Variants in MACROD2 observed in about 807,000 individuals in gnomAD.
The protein encoded by MACROD2 is mono-ADP ribosylhydrolase 2, also known as ADP-ribose glycohydrolase MACROD2.
Under a neutral mutation model 70.4 loss-of-function variants are expected in MACROD2, and 36 were observed. The observed-to-expected ratio is 0.51, with a 90% CI of 0.39 to 0.68. The LOEUF (loss-of-function observed/expected upper bound fraction) is 0.68. Among genes scored for constraint, MACROD2 ranks in the 30% least tolerant of loss-of-function variants. MACROD2 has a pLI of 0.00. For missense variants in MACROD2, 496 were observed against 538.4 expected, an observed-to-expected ratio of 0.92 and a Z score of 0.78; for synonymous variants, 172 against 178.8, an observed-to-expected ratio of 0.96 and a Z score of 0.30.
chr20:15,724,415 A>C (rs532603008), intron 8 of MACROD2, among the ~76,000 whole-genome samples: 1 of 152,162 alleles, frequency 6.6e-6, no homozygotes, highest in East Asian at 1.9e-4. Flanking sequence ...TTTTACATTT[A>C]TGTCTTTGAT....
chr20:14,986,843 T>C (rs2074853482), intron 5 of MACROD2, among the ~76,000 whole-genome samples: 1 of 152,158 alleles, frequency 6.6e-6, no homozygotes, highest in Non-Finnish European at 1.5e-5. Context: ...GATCAATCCT[T>C]GTTCAAAGGC....
At chr20:15,033,942 C>A (rs557953694) in intron 5 of MACROD2, among the ~76,000 whole-genome samples, 6 of 152,240 alleles carry the variant, frequency 3.9e-5, no homozygotes, top group African/African-American at 1.4e-4. Context: ...AATGAGAGTT[C>A]AGACGGCAAA....
At chr20:15,635,291 T>C (rs1441093183) in intron 8 of MACROD2, among the ~76,000 whole-genome samples, 1 of 152,238 alleles carries the variant, frequency 6.6e-6, no homozygotes, top group Non-Finnish European at 1.5e-5. Context: ...AGATAACTTG[T>C]ACAAGTTCAT....
chr20:14,517,114 G>A (rs2085110058), intron 4 of MACROD2, among the ~76,000 whole-genome samples: 1 of 152,148 alleles, frequency 6.6e-6, no homozygotes, highest in East Asian at 1.9e-4. Flanking sequence ...TTCAACCATT[G>A]TAGAAGACAG....
chr20:15,747,252 G>A (rs542133245), intron 8 of MACROD2, among the ~76,000 whole-genome samples: 91 of 152,256 alleles, frequency 6.0e-4, no homozygotes, highest in African/African-American at 2.2e-3. Context: ...GCAGACATGA[G>A]TAAGAACATG....
chr20:15,006,797 T>C (rs755783733), intron 5 of MACROD2, among the ~76,000 whole-genome samples: 1 of 152,144 alleles, frequency 6.6e-6, no homozygotes, highest in Non-Finnish European at 1.5e-5. Context: ...TGCACACTGC[T>C]CTCGGGCTGG....
At chr20:15,575,628 A>T (rs2048437071) in intron 8 of MACROD2, among the ~76,000 whole-genome samples, 1 of 152,184 alleles carries the variant, frequency 6.6e-6, no homozygotes, top group African/African-American at 2.4e-5. Context: ...TATGAAAGGC[A>T]TTTGTAATAT....
intron 5 of MACROD2, among the ~76,000 whole-genome samples, chr20:14,868,622 G>T (rs1236350975): frequency 6.6e-6 from 1 of 152,086 alleles, no homozygotes; most frequent in Non-Finnish European, 1.5e-5. Context: ...AATCATTAAG[G>T]TGTTTTCCCT....
At chr20:15,203,662 A>G (rs1158083470) in intron 5 of MACROD2, among the ~76,000 whole-genome samples, 1 of 151,766 alleles carries the variant, frequency 6.6e-6, no homozygotes, top group Non-Finnish European at 1.5e-5. Context: ...AAATGAACTA[A>G]ACTAAGATAA....
intron 4 of MACROD2, among the ~76,000 whole-genome samples, chr20:14,595,582 T>TA (rs1982072804): frequency 6.6e-6 from 1 of 152,230 alleles, no homozygotes; most frequent in South Asian, 2.1e-4. Flanking sequence ...CATATTTGGT[T>TA]ACGTTTCTAA....
chr20:14,458,576 G>T (rs75732580), intron 3 of MACROD2, among the ~76,000 whole-genome samples: 3,438 of 152,186 alleles, frequency 0.023, 145 homozygotes, highest in African/African-American at 0.078. Flanking sequence ...GAGCTTCTAG[G>T]TTGGTGAGCA....
intron 5 of MACROD2, among the ~76,000 whole-genome samples, chr20:15,123,860 A>ATATG (rs1432286306): frequency 1.3e-5 from 2 of 152,180 alleles, no homozygotes; most frequent in African/African-American, 4.8e-5. Flanking sequence ...ATACAAATGT[A>ATATG]TATGTGTGTG....
At chr20:15,195,642 A>G (rs560251573) in intron 5 of MACROD2, among the ~76,000 whole-genome samples, 117 of 152,346 alleles carry the variant, frequency 7.7e-4, no homozygotes, top group Non-Finnish European at 1.4e-3. Context: ...CGGAGTATAA[A>G]TTAGTTCAAC....
At chr20:14,549,327 A>G (rs986473499) in intron 4 of MACROD2, among the ~76,000 whole-genome samples, 6 of 152,184 alleles carry the variant, frequency 3.9e-5, no homozygotes, top group Non-Finnish European at 5.9e-5. Flanking sequence ...TATTGTCCTA[A>G]CAAAATAATG....
intron 3 of MACROD2, among the ~76,000 whole-genome samples, chr20:14,169,591 A>G (rs2081201812): frequency 6.6e-6 from 1 of 152,158 alleles, no homozygotes; most frequent in East Asian, 1.9e-4. Context: ...GGTGTGAGCC[A>G]CTGCACCTGG....
At chr20:15,030,086 A>T (rs1322185494) in intron 5 of MACROD2, among the ~76,000 whole-genome samples, 1 of 151,856 alleles carries the variant, frequency 6.6e-6, no homozygotes, top group Non-Finnish European at 1.5e-5. Flanking sequence ...TCTCCAAAAA[A>T]AAAAAAAAAA....
At chr20:15,420,025 A>G (rs1171435646) in intron 6 of MACROD2, among the ~76,000 whole-genome samples, 2 of 152,204 alleles carry the variant, frequency 1.3e-5, no homozygotes, top group African/African-American at 2.4e-5. Context: ...CTAGAACAGG[A>G]TGCACATTCT....
At chr20:14,879,674 A>G (rs1462991638) in intron 5 of MACROD2, among the ~76,000 whole-genome samples, 2 of 152,118 alleles carry the variant, frequency 1.3e-5, no homozygotes, top group Non-Finnish European at 2.9e-5. Context: ...TTCATCACAA[A>G]CTGTTGAGTT....
intron 5 of MACROD2, among the ~76,000 whole-genome samples, chr20:14,890,607 T>TA (rs1387422053): frequency 6.6e-6 from 1 of 151,450 alleles, no homozygotes; most frequent in Non-Finnish European, 1.5e-5. Context: ...CATCTCTATT[T>TA]AAAAAATAGC....
Sources: gnomAD v4.1 joint callset for allele counts (sites outside exome capture counted in the v4.1 genomes callset) on GRCh38, gnomAD v4.1.1 for gene constraint, MANE v1.5 for transcripts, NCBI Gene and HGNC (gene_info 2026-07-23, HGNC 2026-07-21) for gene names.